Variants in PRKG1 observed in about 807,000 individuals in gnomAD.
PRKG1 encodes cGMP-dependent protein kinase 1.
A neutral mutation model predicts 88.1 loss-of-function variants in PRKG1; 35 were observed. The observed-to-expected ratio is 0.40, with a 90% CI of 0.30 to 0.53. PRKG1 has a LOEUF of 0.53. PRKG1 is among the 20% of genes least tolerant of loss of function. The pLI, the probability that PRKG1 is intolerant of heterozygous loss-of-function variation, is 0.59. For missense variants in PRKG1, 540 were observed against 839.8 expected, an observed-to-expected ratio of 0.64 and a Z score of 4.41; for synonymous variants, 303 against 292.5, an observed-to-expected ratio of 1.04 and a Z score of -0.37.
At chr10:51,704,718 C>T (rs1393593900) in intron 3 of PRKG1, among the ~76,000 whole-genome samples, 1 of 152,040 alleles carries the variant, frequency 6.6e-6, no homozygotes, top group Admixed American at 6.6e-5. Context: ...TTTTTACGGC[C>T]TCAGAGGAAA....
chr10:51,462,137 G>A (rs757995211), intron 2 of PRKG1, among the ~76,000 whole-genome samples: 21 of 152,204 alleles, frequency 1.4e-4, no homozygotes, highest in Non-Finnish European at 7.4e-5. Context: ...AAATCATGAA[G>A]GTATAGTCAA....
At chr10:51,609,100 T>C (rs535175120) in intron 3 of PRKG1, among the ~76,000 whole-genome samples, 42 of 152,040 alleles carry the variant, frequency 2.8e-4, no homozygotes, top group African/African-American at 9.9e-4. Context: ...TTATTTATTA[T>C]TATTATACTT....
intron 9 of PRKG1, among the ~76,000 whole-genome samples, chr10:52,194,155 A>C (rs2134759): frequency 1 from 152,166 of 152,250 alleles, 76,041 homozygotes; most frequent in Middle Eastern, 1. Context: ...CACCCCCAAG[A>C]CTCACCACCA....
chr10:51,643,851 GCAAA>G lies in PRKG1; in HGVS notation c.593-160730_593-160727del, dbSNP rs535392729. ...AACTTTCAAATGTACGCAAAAATAA[GCAAA>G]CAATCAATGAAACTTCCTGTCCCAT... is the stretch of plus-strand genomic sequence containing the variant. On this transcript the variant is annotated intron_variant, in intron 3 of 17. Transcript: ENST00000373980. Among the ~76,000 whole-genome samples, 111 of 152,166 alleles carry G rather than the reference GCAAA, an allele frequency of 7.3e-4. 2 individuals carry two copies. In the South Asian group the frequency reaches 0.021, roughly 29 times the overall value.
At position 52,193,577 on chromosome 10, in the gene PRKG1, A is replaced by C. The variant is rs542376194; in HGVS notation, c.1076+31614A>C. The stretch of plus-strand genomic sequence containing the variant: ...AAAAAAAAAAACAAAAAAAAAAAAC[A>C]AAAAAAAAACTATTCCAAATGTCAT... On this transcript the variant is annotated intron_variant, in intron 9 of 17. Transcript: ENST00000373980. Among the ~76,000 whole-genome samples the C allele has an allele frequency of 6.4e-3, 774 of 121,522 alleles. 8 individuals are homozygous for C. Among genetic ancestry groups the C allele is most frequent in the Non-Finnish European group, 0.01 (559 of 53,448 alleles). 79.7% of individuals were successfully genotyped at this position (121,522 alleles called of 152,430 possible).
At chr10:51,512,309 G>T (rs1426446509) in intron 3 of PRKG1, among the ~76,000 whole-genome samples, 1 of 146,510 alleles carries the variant, frequency 6.8e-6, no homozygotes, top group Non-Finnish European at 1.5e-5. Flanking sequence ...TCGTCATTTA[G>T]CATTAGATAT....
At chr10:51,874,676 T>C (rs976377723) in intron 4 of PRKG1, among the ~76,000 whole-genome samples, 7 of 152,188 alleles carry the variant, frequency 4.6e-5, no homozygotes, top group Non-Finnish European at 7.3e-5. Flanking sequence ...CAAGTTGTGG[T>C]AAAATATATG....
chr10:51,294,192 T>C (rs1187881594), intron 2 of PRKG1, among the ~76,000 whole-genome samples: 1 of 152,130 alleles, frequency 6.6e-6, no homozygotes, highest in African/African-American at 2.4e-5. Context: ...TTGATTGTTG[T>C]CGTTGCTCTT....
intron 3 of PRKG1, chr10:51,699,664 T>C: frequency 8.2e-7 from 1 of 1,220,978 alleles, no homozygotes; most frequent in East Asian, 2.3e-5. Flanking sequence ...GAAACTTTAC[T>C]AATTCGCTTG....
intron 2 of PRKG1, among the ~76,000 whole-genome samples, chr10:51,205,568 G>T (rs1396143420): frequency 6.6e-6 from 1 of 151,280 alleles, no homozygotes; most frequent in Non-Finnish European, 1.5e-5. Flanking sequence ...ATAGAGTTTT[G>T]CTCGTTGCCC....
intron 3 of PRKG1, among the ~76,000 whole-genome samples, chr10:51,627,961 TC>T (rs1839392558): frequency 4.8e-5 from 1 of 20,988 alleles, no homozygotes; most frequent in Non-Finnish European, 1.2e-4. Context: ...TTTCTTTCTT[TC>T]TTTCTTTCTC....
At chr10:51,409,533 C>T (rs1838018002) in intron 2 of PRKG1, among the ~76,000 whole-genome samples, 2 of 151,958 alleles carry the variant, frequency 1.3e-5, no homozygotes, top group Admixed American at 1.3e-4. Context: ...TCCACCAAAG[C>T]CCAGTGACAG....
At chr10:52,155,854 G>A (rs10740426) in intron 8 of PRKG1, among the ~76,000 whole-genome samples, 106,513 of 151,612 alleles carry the variant, frequency 0.7, 38,953 homozygotes, top group South Asian at 0.83. Flanking sequence ...TGATTTATAT[G>A]GACATATTAG....
intron 2 of PRKG1, among the ~76,000 whole-genome samples, chr10:51,285,972 A>G (rs1344288835): frequency 6.6e-6 from 1 of 151,528 alleles, no homozygotes; most frequent in Non-Finnish European, 1.5e-5. Context: ...TTTATTTATT[A>G]TTTATTTATT....
intron 3 of PRKG1, among the ~76,000 whole-genome samples, chr10:51,742,248 AT>A (rs907004779): frequency 2.0e-5 from 3 of 152,180 alleles, no homozygotes; most frequent in Non-Finnish European, 2.9e-5. Flanking sequence ...TTGAACCTGA[AT>A]GTCTTAGTGA....
intron 3 of PRKG1, among the ~76,000 whole-genome samples, chr10:51,641,389 T>C (rs1177458284): frequency 1.3e-5 from 2 of 152,102 alleles, no homozygotes; most frequent in African/African-American, 4.8e-5. Context: ...CGGAACAAAC[T>C]CCAAGGTGAT....
chr10:51,002,110 T>C (rs1280247758), intron 1 of PRKG1, among the ~76,000 whole-genome samples: 2 of 151,644 alleles, frequency 1.3e-5, no homozygotes, highest in East Asian at 1.9e-4. Flanking sequence ...AAAACCCCTA[T>C]GAGGAAACCT....
At chr10:51,004,556 G>T (rs1000111147) in intron 1 of PRKG1, among the ~76,000 whole-genome samples, 1 of 152,034 alleles carries the variant, frequency 6.6e-6, no homozygotes, top group Non-Finnish European at 1.5e-5. Flanking sequence ...AAGACAGACA[G>T]AATTAAAAAA....
intron 9 of PRKG1, among the ~76,000 whole-genome samples, chr10:52,186,692 C>T (rs1839210133): frequency 6.6e-6 from 1 of 151,678 alleles, no homozygotes; most frequent in Non-Finnish European, 1.5e-5. Context: ...GAGTTATGGC[C>T]ATCAAAAATG....
Sources: gnomAD v4.1 joint callset for allele counts (sites outside exome capture counted in the v4.1 genomes callset) on GRCh38, gnomAD v4.1.1 for gene constraint, MANE v1.5 for transcripts, NCBI Gene and HGNC (gene_info 2026-07-23, HGNC 2026-07-21) for gene names.